The following STRBP variants were observed in gnomAD, a reference collection of about 807,000 sequenced individuals.
The protein encoded by STRBP is spermatid perinuclear RNA-binding protein.
Under a neutral mutation model 80.1 loss-of-function variants are expected in STRBP, and 13 were observed. The ratio of observed to expected loss-of-function variants is 0.16; its 90% CI spans 0.11 to 0.26. The LOEUF (loss-of-function observed/expected upper bound fraction) is 0.26. STRBP is among the 10% of genes least tolerant of loss of function. STRBP has a pLI of 1.00. For missense variants in STRBP, 485 were observed against 815.2 expected (o/e 0.59, Z 4.93); for synonymous variants, 284 against 291.2 (o/e 0.98, Z 0.25).
chr9:123,267,042 ACTTCCCGCCTCAGAAAT>A (rs1378415376), intron 1 of STRBP, among the ~76,000 whole-genome samples: 1 of 137,870 alleles, frequency 7.3e-6, no homozygotes, highest in Non-Finnish European at 1.6e-5. Flanking sequence ...ACCGCTCCAC[ACTTCCCGCCTCAGAAAT>A]CTTTCCTTCC....
intron 2 of STRBP, among the ~76,000 whole-genome samples, chr9:123,196,239 G>T (rs1235074140): frequency 6.6e-6 from 1 of 152,088 alleles, no homozygotes; most frequent in African/African-American, 2.4e-5. Flanking sequence ...GTGGATTAAA[G>T]AATTAATCTA....
At chr9:123,112,994 TGAA>T (rs1325819488) in intron 3 of STRBP, 6 of 167,096 alleles carry the variant, frequency 3.6e-5, no homozygotes, top group Admixed American at 1.3e-4. Flanking sequence ...AGAAAACGCC[TGAA>T]GAAGGAAGAT....
At chr9:123,267,261 C>A (rs2041289255) in intron 1 of STRBP, among the ~76,000 whole-genome samples, 1 of 151,566 alleles carries the variant, frequency 6.6e-6, no homozygotes, top group Non-Finnish European at 1.5e-5. Context: ...TCTTGCTGAT[C>A]CCACCTTCTT....
intron 2 of STRBP, among the ~76,000 whole-genome samples, chr9:123,230,507 A>G (rs912079969): frequency 1.1e-4 from 17 of 152,228 alleles, no homozygotes; most frequent in African/African-American, 4.1e-4. Flanking sequence ...ATTGATGGAT[A>G]CAGATACAGG....
Position 123,160,965 on chromosome 9 carries a change from GA to G in STRBP, c.627+11del. 1 of 1,576,656 alleles carries G rather than the reference GA, an allele frequency of 6.3e-7. No individual in the cohort carries two copies. The highest frequency in any genetic ancestry group is 2.3e-5 in the East Asian group (1 of 43,652). ...AACTTTAATAACAATAAGATAGTAA[GA>G]AAAAGCCAACCTGAAACCATTTGGC... is the stretch of plus-strand genomic sequence containing the variant. On this transcript the variant is annotated intron_variant, in intron 7 of 18. Transcript: ENST00000348403.
intron 2 of STRBP, among the ~76,000 whole-genome samples, chr9:123,233,571 G>C (rs2040458152): frequency 6.6e-6 from 1 of 152,220 alleles, no homozygotes; most frequent in African/African-American, 2.4e-5. Context: ...GTTAATGAAA[G>C]ATAATGTTAA....
chr9:123,113,790 T>G (rs2035604213), intron 3 of STRBP: 1 of 167,094 alleles, frequency 6.0e-6, no homozygotes, highest in South Asian at 2.1e-4. Flanking sequence ...GGCAAAATAC[T>G]CCCTACTTTG....
At chr9:123,178,269 T>G (rs2038308538) in intron 4 of STRBP, among the ~76,000 whole-genome samples, 1 of 152,244 alleles carries the variant, frequency 6.6e-6, no homozygotes, top group Non-Finnish European at 1.5e-5. Context: ...AGCAATGTTT[T>G]TATTCATAGA....
chr9:123,139,883 G>T (rs539346179), intron 13 of STRBP, among the ~76,000 whole-genome samples, 196 bp from the exon 14 acceptor site: 1 of 152,112 alleles, frequency 6.6e-6, no homozygotes, highest in Non-Finnish European at 1.5e-5. Context: ...TGGAAAAATG[G>T]GGAAAACCTC....
chr9:123,244,818 A>T (rs2040766535), intron 1 of STRBP, among the ~76,000 whole-genome samples: 1 of 152,230 alleles, frequency 6.6e-6, no homozygotes. Context: ...ATCCCAAAGA[A>T]ATGGAAAATT....
intron 17 of STRBP, 90 bp from the exon 18 acceptor site, chr9:123,128,348 G>A: frequency 6.9e-7 from 1 of 1,443,990 alleles, no homozygotes; most frequent in South Asian, 1.2e-5. Flanking sequence ...TCAGCACCCT[G>A]GGCCCGGAGG....
chr9:123,184,727 T>C (rs1004940513), intron 2 of STRBP, among the ~76,000 whole-genome samples: 1 of 152,238 alleles, frequency 6.6e-6, no homozygotes, highest in Non-Finnish European at 1.5e-5. Flanking sequence ...TATTCCATGA[T>C]GCTTTTACAT....
chr9:123,165,450 C>T (rs1343633417), intron 6 of STRBP, among the ~76,000 whole-genome samples: 1 of 152,048 alleles, frequency 6.6e-6, no homozygotes, highest in South Asian at 2.1e-4. Context: ...AGGGCGAGTT[C>T]ACACTGGCAC....
chr9:123,240,046 A>C (rs1453141468), intron 1 of STRBP, among the ~76,000 whole-genome samples: 1 of 152,152 alleles, frequency 6.6e-6, no homozygotes, highest in African/African-American at 2.4e-5. Flanking sequence ...ACCATATCTT[A>C]CTATATTATG....
chr9:123,187,051 TC>T (rs1417188837), intron 2 of STRBP, among the ~76,000 whole-genome samples: 1 of 152,074 alleles, frequency 6.6e-6, no homozygotes, highest in African/African-American at 2.4e-5. Context: ...TACTCACTGT[TC>T]CTAAGACTTT....
intron 1 of STRBP, among the ~76,000 whole-genome samples, chr9:123,266,482 C>T (rs993685197): frequency 6.6e-6 from 1 of 151,872 alleles, no homozygotes; most frequent in African/African-American, 2.4e-5. Context: ...ATTTAATCCT[C>T]TCCATTTAGT....
chr9:123,146,828 C>A, intron 13 of STRBP, 27 bp downstream of exon 13: 3 of 1,549,176 alleles, frequency 1.9e-6, no homozygotes, highest in South Asian at 1.3e-5. Context: ...AATAAGAAAG[C>A]ATTGCAAAGT....
At chr9:123,267,284 C>A (rs542040436) in intron 1 of STRBP, among the ~76,000 whole-genome samples, 1 of 151,764 alleles carries the variant, frequency 6.6e-6, no homozygotes, top group Admixed American at 6.6e-5. Flanking sequence ...ATACTTCCTG[C>A]ATAAACACCC....
Position 123,169,933 on chromosome 9 carries a change from T to G in STRBP, c.504A>C (p.Leu168=). The G allele has an allele frequency of 6.3e-7, 1 of 1,593,586 alleles. No homozygotes were observed. Among genetic ancestry groups the G allele is most frequent in the Non-Finnish European group, 8.5e-7 (1 of 1,171,716 alleles). The change falls in exon 6 of 19, where the codon CTA becomes CTC. Residue 168 remains leucine, a synonymous_variant. Transcript: ENST00000348403. ...CCTTCTTCTCCAATTCGTCCCTAAT[T>G]AGAGGTGAGGTAAGTATCACCTTCA... ...LTLKVILTSP[L]IRDELEKKDG... is the part of the protein sequence containing the mutation.
Sources: allele counts gnomAD v4.1 joint callset (sites outside exome capture counted in the v4.1 genomes callset), GRCh38; gene constraint gnomAD v4.1.1; transcripts MANE v1.5; gene names NCBI Gene and HGNC (gene_info 2026-07-23, HGNC 2026-07-21).